ESRRA: variants seen among roughly 807,000 people sequenced by gnomAD.
ESRRA encodes the protein estrogen related receptor alpha.
ESRRA carries 7 observed loss-of-function variants against 35.6 expected under a neutral mutation model. The ratio of observed to expected loss-of-function variants is 0.20; its 90% confidence interval spans 0.11 to 0.37. ESRRA has a LOEUF of 0.37. ESRRA is among the 10% of genes least tolerant of loss of function. The pLI is 1.00. For missense variants in ESRRA, 378 were observed against 561.7 expected, an observed-to-expected ratio of 0.67 and a Z score of 3.31; for synonymous variants, 223 against 246.9, an observed-to-expected ratio of 0.90 and a Z score of 0.91.
Position 64,315,170 on chromosome 11 carries a change from A to T in ESRRA, c.912A>T (p.Glu304Asp). The T allele has an allele frequency of 1.9e-6, 3 of 1,613,116 alleles. No individual in the cohort carries two copies. The highest frequency in any genetic ancestry group is 4.5e-5 in the East Asian group (2 of 44,884). ...GGGCACGGGCAGCTGGCCTGGGGGAACTGGGGGCTGCCCTGCTGCAACTAG... is the reference window on the plus strand; with the variant it reads ...GGGCACGGGCAGCTGGCCTGGGGGATCTGGGGGCTGCCCTGCTGCAACTAG... ...EEGARAAGLGELGAALLQLVR... is the reference protein window; with the variant it reads ...EEGARAAGLGDLGAALLQLVR... Residue 304 changes from glutamate to aspartate, a missense_variant, in exon 6 of 7, where the codon GAA (glutamate) becomes GAT (aspartate). Glu to Asp is a conservative substitution (Grantham distance 45). Transcript: ENST00000000442.
chr11:64,316,245 G>A lies in ESRRA; in HGVS notation c.*279G>A, dbSNP rs79941458. The A allele has an allele frequency of 1.6e-3, 593 of 379,108 alleles. 3 individuals are homozygous for A. In the East Asian group the frequency reaches 0.019, roughly 12 times the overall value. 23.5% of individuals were successfully genotyped at this position (379,108 alleles called of 1,614,324 possible). ...GGGGGCCTTGCGGAAGCCATAGGGG[G>A]CTGCACGGGATGCGTGGGAGGCAGA... On this transcript the variant is annotated 3_prime_UTR_variant, in exon 7 of 7. Coordinates refer to ENST00000000442, the MANE Select transcript of ESRRA (RefSeq NM_004451.5).
rs1163902414 is a variant in ESRRA, at chr11:64,305,974, G to C, written c.-13+238G>C. Among the ~76,000 whole-genome samples the C allele has an allele frequency of 2.0e-5, 3 of 152,094 alleles. No individual in the cohort carries two copies. The highest frequency in any genetic ancestry group is 4.4e-5 in the Non-Finnish European group (3 of 67,986). On this transcript the variant is annotated intron_variant, in intron 1 of 6. Coordinates refer to ENST00000000442, the MANE Select transcript of ESRRA (RefSeq NM_004451.5). This position sits in a 1 kb window ranked among gnomAD's most constrained non-coding sequence, Gnocchi z 5.8. ...GGATCTGGCTCTGGCTGCGGGTCCT[G>C]ACTCGGGTCAGGGTTGGGCCTCCGA...
In ESRRA at chr11:64,307,620, C is replaced by T. The variant is rs2035061730; in HGVS notation, c.325+116C>T. The T allele has an allele frequency of 4.0e-6, 3 of 747,052 alleles. No homozygotes were observed. In the East Asian group the frequency reaches 9.4e-5, roughly 23 times the overall value. The allele number at this position is 747,052 out of a possible 1,614,324, so 46.3% of individuals were successfully genotyped here. The stretch of plus-strand genomic sequence containing the variant: ...CTTGAGGCTAACAATCTGGTGTTTC[C>T]AGTCCCTCTACCTCCCAGAGACACT... On this transcript the variant is annotated intron_variant, in intron 2 of 6. Transcript: ENST00000000442.
intron 2 of ESRRA, among the ~76,000 whole-genome samples, chr11:64,308,522 C>CAA (rs71045760): frequency 6.2e-4 from 54 of 87,024 alleles, no homozygotes; most frequent in East Asian, 9.5e-4. Context: ...GATTCCATCT[C>CAA]AAAAAAAAAA....
chr11:64,308,944 G>A (rs2035088323), intron 2 of ESRRA, among the ~76,000 whole-genome samples: 1 of 151,042 alleles, frequency 6.6e-6, no homozygotes, highest in Non-Finnish European at 1.5e-5. Flanking sequence ...ATGAAACCCC[G>A]TCTCTACTGA....
Position 64,316,616 on chromosome 11 carries a change from G to A in ESRRA, c.*650G>A, listed in dbSNP as rs373707219. On this transcript the variant is annotated 3_prime_UTR_variant, in exon 7 of 7. Coordinates refer to ENST00000000442, the MANE Select transcript of ESRRA (RefSeq NM_004451.5). ...TGGCCAGGGAGGCGCAGGGACATGG[G>A]GCAAGCCAGGGCCCAGAGCCCTTGG... 2.7e-4 allele frequency: 133 copies of A among 484,260 alleles called. No individual in the cohort carries two copies. Among genetic ancestry groups the A allele is most frequent in the African/African-American group, 2.5e-3 (126 of 51,264 alleles). The allele number at this position is 484,260 out of a possible 1,614,324, so 30.0% of individuals were successfully genotyped here. A position where few individuals can be genotyped will look rare whatever the true frequency, so the allele number is the denominator to read the frequency against.
rs747413361 is a variant in ESRRA at position 64,314,315 on chromosome 11, G to T, written c.519G>T (p.Pro173=). ...RRPEVDPLPF[P]GPFPAGPLAV... is the part of the protein sequence containing the mutation. ...CGGAGGTGGACCCACTGCCCTTCCC[G>T]GGCCCCTTCCCTGCTGGGCCCCTGG... The change falls in exon 4 of 7, where the codon CCG becomes CCT. Residue 173 remains proline, a synonymous_variant. Coordinates refer to ENST00000000442, the MANE Select transcript of ESRRA (RefSeq NM_004451.5). 1 of 1,607,910 alleles carries T rather than the reference G, an allele frequency of 6.2e-7. No homozygotes were observed. The highest frequency in any genetic ancestry group is 8.5e-7 in the Non-Finnish European group (1 of 1,177,724).
chr11:64,315,374 G>T, intron 6 of ESRRA, 104 bp downstream of exon 6: 1 of 1,306,262 alleles, frequency 7.7e-7, no homozygotes, highest in Non-Finnish European at 1.0e-6. Flanking sequence ...GAAAACTGAG[G>T]CTTAGGGAAG....
chr11:64,307,897 A>T (rs41294394), intron 2 of ESRRA, among the ~76,000 whole-genome samples: 7 of 146,432 alleles, frequency 4.8e-5, no homozygotes, highest in African/African-American at 7.5e-5. Flanking sequence ...GCAGATTTTA[A>T]TTTTTTTTTT....
rs763774214 is a variant in ESRRA, at chr11:64,307,440, C to A, written c.261C>A (p.Ser87=). 1.3e-6 allele frequency: 2 copies of A among 1,554,692 alleles called. No homozygotes were observed. The highest frequency in any genetic ancestry group is 2.4e-5 in the South Asian group (2 of 82,764). ...GCCTGGTCTGTGGGGACGTGGCCTCCGGCTACCACTATGGTGTGGCATCCT... is the reference window on the plus strand; with the variant it reads ...GCCTGGTCTGTGGGGACGTGGCCTCAGGCTACCACTATGGTGTGGCATCCT... ...RLCLVCGDVA[S]GYHYGVASCE... Residue 87 remains serine, a synonymous_variant, in exon 2 of 7, where the codon TCC becomes TCA. Transcript: ENST00000000442.
Position 64,316,627 on chromosome 11 carries a change from G to T in ESRRA, c.*661G>T. On this transcript the variant is annotated 3_prime_UTR_variant, in exon 7 of 7. Transcript: ENST00000000442. ...GCGCAGGGACATGGGGCAAGCCAGG[G>T]CCCAGAGCCCTTGGCTGTACAGAGA... 3.9e-6 allele frequency: 2 copies of T among 508,540 alleles called. No individual in the cohort carries two copies. The highest frequency in any genetic ancestry group is 7.1e-6 in the Non-Finnish European group (2 of 279,904). The allele number at this position is 508,540 out of a possible 1,614,324, so 31.5% of individuals were successfully genotyped here. A position where few individuals can be genotyped will look rare whatever the true frequency, so the allele number is the denominator to read the frequency against.
Position 64,314,769 on chromosome 11 carries a change from T to C in ESRRA, c.600T>C (p.His200=). 2 of 1,612,186 alleles carry C rather than the reference T, an allele frequency of 1.2e-6. No individual in the cohort carries two copies. Among genetic ancestry groups the C allele is most frequent in the Middle Eastern group, 2.2e-4 (1 of 4,598 alleles). The change falls in exon 5 of 7, where the codon CAT becomes CAC. Residue 200 remains histidine (H), a synonymous_variant. Transcript: ENST00000000442. ...TAAPVNALVS[H]LLVVEPEKLY... ...CCCCAGTGAATGCACTGGTGTCTCA[T>C]CTGCTGGTGGTTGAGCCTGAGAAGC...
intron 6 of ESRRA, 58 bp from the exon 7 acceptor site, chr11:64,315,649 G>T: frequency 6.3e-7 from 1 of 1,596,454 alleles, no homozygotes; most frequent in Non-Finnish European, 8.6e-7. Flanking sequence ...CTCAAGATAC[G>T]GGGAGTGCCC....
At position 64,307,275 on chromosome 11, in the gene ESRRA, G is replaced by A. The variant is rs1032848222; in HGVS notation, c.96G>A (p.Glu32=). 6.2e-7 allele frequency: 1 copy of A among 1,613,332 alleles called. No homozygotes were observed. The highest frequency in any genetic ancestry group is 8.5e-7 in the Non-Finnish European group (1 of 1,179,868). ...SPKGSSETET[E]PPVALAPGPA... ...AGGGTTCCTCGGAGACAGAGACCGA[G>A]CCTCCTGTGGCCCTGGCCCCTGGTC... Residue 32 remains glutamate (E), a synonymous_variant, in exon 2 of 7, where the codon GAG becomes GAA. Transcript: ENST00000000442.
intron 2 of ESRRA, among the ~76,000 whole-genome samples, chr11:64,310,692 C>T (rs1486606451): frequency 1.3e-5 from 2 of 152,006 alleles, no homozygotes; most frequent in African/African-American, 4.8e-5. Flanking sequence ...GGATTACAGG[C>T]GCCTGCCACC....
chr11:64,307,094 C>A, intron 1 of ESRRA, 74 bp from the exon 2 acceptor site: 1 of 1,339,302 alleles, frequency 7.5e-7, no homozygotes, highest in Non-Finnish European at 1.0e-6. Context: ...CGAGGTTGGG[C>A]AACCCGTGTG....
intron 2 of ESRRA, among the ~76,000 whole-genome samples, chr11:64,310,747 C>T (rs1193697970): frequency 6.6e-6 from 1 of 151,918 alleles, no homozygotes; most frequent in Admixed American, 6.6e-5. Context: ...GGGGTTTCAC[C>T]ATGTTGGCCA....
In ESRRA at chr11:64,313,574, A is replaced by G. The variant is rs1231703893; in HGVS notation, c.326-377A>G. Among the ~76,000 whole-genome samples the G allele has an allele frequency of 6.6e-6, 1 of 152,178 alleles. No individual in the cohort carries two copies. The highest frequency in any genetic ancestry group is 2.4e-5 in the African/African-American group (1 of 41,428). On this transcript the variant is annotated intron_variant, in intron 2 of 6. Transcript: ENST00000000442. The surrounding 1 kb of genome is among the most constrained non-coding windows in gnomAD (Gnocchi z 4.0). Reference sequence around the variant, plus strand: ...AAGAAGAAAGTGTTTCAGTGTTTCTAGGAGCAGGAAGTGATCAACAGCCTT... The same window carrying G: ...AAGAAGAAAGTGTTTCAGTGTTTCTGGGAGCAGGAAGTGATCAACAGCCTT...
intron 2 of ESRRA, among the ~76,000 whole-genome samples, chr11:64,310,453 C>G (rs2035118168): frequency 6.8e-6 from 1 of 146,430 alleles, no homozygotes; most frequent in South Asian, 2.3e-4. Context: ...CCAAGATGGT[C>G]TTGATTTCCT....
Sources: gnomAD v4.1 joint callset for allele counts (sites outside exome capture counted in the v4.1 genomes callset) on GRCh38, gnomAD v4.1.1 for gene constraint, Gnocchi (gnomAD v3.1) non-coding constraint, MANE v1.5 for transcripts, NCBI Gene and HGNC (gene_info 2026-07-23, HGNC 2026-07-21) for gene names.